EIF4B: variants seen among roughly 807,000 people sequenced by gnomAD.
The protein encoded by EIF4B is eukaryotic translation initiation factor 4B.
A neutral mutation model predicts 79.3 loss-of-function variants in EIF4B; 8 were observed. The observed-to-expected ratio is 0.10, with a 90% CI of 0.06 to 0.18. The LOEUF (loss-of-function observed/expected upper bound fraction) is 0.18, where lower values mean the gene tolerates loss of function less well. Ranked by LOEUF, EIF4B falls within the 10% of genes least tolerant of loss-of-function variation. EIF4B has a pLI of 1.00. For missense variants in EIF4B, 515 were observed against 792.4 expected (o/e 0.65, Z 4.20); for synonymous variants, 238 against 274.7 (o/e 0.87, Z 1.32).
chr12:53,019,788 A>G (rs938391699), intron 3 of EIF4B, 122 bp from the exon 4 acceptor site: 3 of 841,308 alleles, frequency 3.6e-6, no homozygotes, highest in Admixed American at 2.8e-5. Context: ...TCCTGAGACA[A>G]CCATGTTCTT....
chr12:53,019,186 G>T (rs1592217826), intron 3 of EIF4B, among the ~76,000 whole-genome samples, 180 bp downstream of exon 3: 1 of 152,074 alleles, frequency 6.6e-6, no homozygotes, highest in Non-Finnish European at 1.5e-5. Context: ...ATCATTTGAG[G>T]TCAGGAATTC....
intron 3 of EIF4B, 81 bp downstream of exon 3, chr12:53,019,087 G>A: frequency 2.0e-6 from 3 of 1,478,990 alleles, no homozygotes; most frequent in Non-Finnish European, 2.8e-6. Context: ...GGCAGTTGCT[G>A]TTGAAAAAAC....
In EIF4B at chr12:53,040,578, G is replaced by A. The variant is rs1943616975; in HGVS notation, c.*355G>A. 2 of 167,868 alleles carry A rather than the reference G, an allele frequency of 1.2e-5. No individual in the cohort carries two copies. Among genetic ancestry groups the A allele is most frequent in the Admixed American group, 6.1e-5 (1 of 16,298 alleles). The allele number at this position is 167,868 out of a possible 1,614,324, so 10.4% of individuals were successfully genotyped here. A position where few individuals can be genotyped will look rare whatever the true frequency, so the allele number is the denominator to read the frequency against. ...ATAATGCCTGGAACCTGGTTGGGCA[G>A]TAGGGGAGGGAGGTAGAAGGAAAAG... is the stretch of plus-strand genomic sequence containing the variant. On this transcript the variant is annotated 3_prime_UTR_variant, in exon 15 of 15. Coordinates refer to ENST00000262056, the MANE Select transcript of EIF4B (RefSeq NM_001417.7).
intron 8 of EIF4B, among the ~76,000 whole-genome samples, chr12:53,033,013 T>A (rs1043167083): frequency 3.3e-5 from 5 of 151,846 alleles, no homozygotes; most frequent in Non-Finnish European, 5.9e-5. Flanking sequence ...TTTTATTTAT[T>A]TTTATTTATT....
At chr12:53,019,675 CTTTT>C (rs34225588) in intron 3 of EIF4B, among the ~76,000 whole-genome samples, 1 of 132,340 alleles carries the variant, frequency 7.6e-6, no homozygotes, top group Non-Finnish European at 1.6e-5. Flanking sequence ...CTGAATTAAT[CTTTT>C]TTTTTTTTTT....
At position 53,041,275 on chromosome 12, in the gene EIF4B, CTT is replaced by C. The variant is rs942059885; in HGVS notation, c.*1055_*1056del. 3.3e-5 allele frequency: 5 copies of C among 152,122 alleles called. No individual in the cohort carries two copies. The highest frequency in any genetic ancestry group is 1.2e-4 in the African/African-American group (5 of 41,402). The allele number at this position is 152,122 out of a possible 1,614,324, so 9.4% of individuals were successfully genotyped here. A position where few individuals can be genotyped will look rare whatever the true frequency, so the allele number is the denominator to read the frequency against. On this transcript the variant is annotated 3_prime_UTR_variant, in exon 15 of 15. Transcript: ENST00000262056. ...CTCAAGCAAATCGGTTTCTTGATGT[CTT>C]TTGGTTCTCCTTGCCTGCTCCTGAT...
In EIF4B at chr12:53,040,514, TA is replaced by T. The variant is rs1943615884; in HGVS notation, c.*292del. 1 of 270,186 alleles carries T rather than the reference TA, an allele frequency of 3.7e-6. No homozygotes were observed. The highest frequency in any genetic ancestry group is 6.1e-5 in the South Asian group (1 of 16,380). 16.7% of individuals were successfully genotyped at this position (270,186 alleles called of 1,614,324 possible). A position where few individuals can be genotyped will look rare whatever the true frequency, so the allele number is the denominator to read the frequency against. ...TGCAGTTGCCAGTGTGATTAGTGCC[TA>T]GGGGTCTCCATTTAGCAGAAATGGT... On this transcript the variant is annotated 3_prime_UTR_variant, in exon 15 of 15. Coordinates refer to ENST00000262056, the MANE Select transcript of EIF4B (RefSeq NM_001417.7).
At chr12:53,035,050 C>G (rs917170234) in intron 10 of EIF4B, among the ~76,000 whole-genome samples, 4 of 140,112 alleles carry the variant, frequency 2.9e-5, no homozygotes, top group Non-Finnish European at 6.0e-5. Flanking sequence ...CTTGGAGTTT[C>G]ATGTGAGCTG....
rs183836574 is a variant in EIF4B at position 53,026,144 on chromosome 12, A to G, written c.668-1638A>G. Among the ~76,000 whole-genome samples, 54 of 152,268 alleles carry G rather than the reference A, an allele frequency of 3.5e-4. No individual in the cohort carries two copies. In the South Asian group the frequency reaches 4.8e-3, roughly 13 times the overall value. On this transcript the variant is annotated intron_variant, in intron 6 of 14. Transcript: ENST00000262056. ...AAAGATCCCTGTTTGTCCCCCATAC[A>G]TAAATTATCAGCTCTTAAAACGTGT...
intron 12 of EIF4B, 40 bp downstream of exon 12, chr12:53,038,451 G>A: frequency 1.3e-6 from 2 of 1,536,922 alleles, no homozygotes; most frequent in Non-Finnish European, 1.7e-6. Flanking sequence ...TCACCTAGAA[G>A]CCTAAATAAA....
chr12:53,009,654 C>A (rs1447563039), intron 1 of EIF4B, among the ~76,000 whole-genome samples: 1 of 152,178 alleles, frequency 6.6e-6, no homozygotes. Flanking sequence ...TGTTTTCATA[C>A]ACTGCTGACT....
intron 10 of EIF4B, among the ~76,000 whole-genome samples, chr12:53,035,735 G>C (rs1046485363): frequency 6.6e-6 from 1 of 152,116 alleles, no homozygotes; most frequent in Non-Finnish European, 1.5e-5. Flanking sequence ...GCCTCATAAA[G>C]TGCTGGGATT....
In EIF4B at chr12:53,040,352, T is replaced by A. The variant is rs1458433249; in HGVS notation, c.*129T>A. The A allele has an allele frequency of 1.8e-5, 18 of 974,340 alleles. No individual in the cohort carries two copies. Among genetic ancestry groups the A allele is most frequent in the South Asian group, 5.4e-5 (3 of 55,562 alleles). 60.4% of individuals were successfully genotyped at this position (974,340 alleles called of 1,614,324 possible). On this transcript the variant is annotated 3_prime_UTR_variant, in exon 15 of 15. Coordinates refer to ENST00000262056, the MANE Select transcript of EIF4B (RefSeq NM_001417.7). ...CCTGAAGACCTTTCTTACCTTTTTTTAAAAACAAAAAATGAAATTATTTTG... is the reference window on the plus strand; with the variant it reads ...CCTGAAGACCTTTCTTACCTTTTTTAAAAAACAAAAAATGAAATTATTTTG...
intron 4 of EIF4B, among the ~76,000 whole-genome samples, chr12:53,020,886 G>T (rs905176702): frequency 1.3e-5 from 2 of 151,916 alleles, no homozygotes; most frequent in African/African-American, 4.8e-5. Flanking sequence ...AACATTACTG[G>T]TCTCTAACTT....
At chr12:53,038,969 C>T (rs768146775) in intron 12 of EIF4B, 5 of 340,152 alleles carry the variant, frequency 1.5e-5, no homozygotes, top group Non-Finnish European at 2.7e-5. Context: ...AAGGTCACTA[C>T]AGAGCGTCAT....
chr12:53,008,031 G>A (rs948306076), intron 1 of EIF4B, among the ~76,000 whole-genome samples: 1 of 152,212 alleles, frequency 6.6e-6, no homozygotes, highest in Non-Finnish European at 1.5e-5. Flanking sequence ...AGCATCTGAA[G>A]TTTACAAAAA....
Position 53,018,859 on chromosome 12 carries a change from C to T in EIF4B, c.213C>T (p.Ser71=), listed in dbSNP as rs756537856. 1 of 1,613,754 alleles carries T rather than the reference C, an allele frequency of 6.2e-7. No individual in the cohort carries two copies. Among genetic ancestry groups the T allele is most frequent in the South Asian group, 1.1e-5 (1 of 91,068 alleles). ...DVYRAPPIDR[S]ILPTAPRAAR... Reference sequence around the variant, plus strand: ...ATAGGGCGCCTCCAATTGACCGTTCCATCCTTCCCACTGCTCCACGGGCTG... The same window carrying T: ...ATAGGGCGCCTCCAATTGACCGTTCTATCCTTCCCACTGCTCCACGGGCTG... Residue 71 remains serine (S), a synonymous_variant, in exon 3 of 15, where the codon TCC becomes TCT. Transcript: ENST00000262056.
At chr12:53,018,670 C>G (rs559666909) in intron 2 of EIF4B, 128 bp from the exon 3 acceptor site, 1 of 957,092 alleles carries the variant, frequency 1.0e-6, no homozygotes, top group African/African-American at 1.7e-5. Context: ...TACTGAACCC[C>G]CACTTTTTTT....
At chr12:53,026,024 G>A (rs781366388) in intron 6 of EIF4B, among the ~76,000 whole-genome samples, 6 of 152,026 alleles carry the variant, frequency 3.9e-5, no homozygotes, top group East Asian at 1.9e-4. Flanking sequence ...GCTTGGACCC[G>A]GGAGGTGGAG....
Sources: gnomAD v4.1 joint callset for allele counts (sites outside exome capture counted in the v4.1 genomes callset) on GRCh38, gnomAD v4.1.1 for gene constraint, MANE v1.5 for transcripts, NCBI Gene and HGNC (gene_info 2026-07-23, HGNC 2026-07-21) for gene names.